The following MTA3 variants were observed in gnomAD, a reference collection of about 807,000 sequenced individuals.
MTA3 encodes the protein metastasis associated 1 family member 3.
In MTA3, 34 loss-of-function variants were observed where a neutral mutation model predicts 83.5. The ratio of observed to expected loss-of-function variants is 0.41; its 90% CI spans 0.31 to 0.54. The LOEUF is 0.54. Ranked by LOEUF, MTA3 falls within the 20% of genes least tolerant of loss-of-function variation. MTA3 has a pLI of 0.33. For missense variants in MTA3, 761 were observed against 726.4 expected, an observed-to-expected ratio of 1.05 and a Z score of -0.55; for synonymous variants, 303 against 252.7, an observed-to-expected ratio of 1.20 and a Z score of -1.89.
At chr2:42,528,494 A>C (rs572447669) in intron 2 of MTA3, among the ~76,000 whole-genome samples, 1 of 152,354 alleles carries the variant, frequency 6.6e-6, no homozygotes, top group East Asian at 1.9e-4. Context: ...TGCTGGGATT[A>C]CAGGCATGAG....
At chr2:42,646,013 A>C (rs1236761855) in intron 6 of MTA3, among the ~76,000 whole-genome samples, 1 of 152,222 alleles carries the variant, frequency 6.6e-6, no homozygotes, top group Non-Finnish European at 1.5e-5. Flanking sequence ...ACTTGAAGCC[A>C]ATCCTCGTTT....
chr2:42,676,065 A>T (rs968630309), intron 8 of MTA3, among the ~76,000 whole-genome samples: 3 of 152,178 alleles, frequency 2.0e-5, no homozygotes, highest in Non-Finnish European at 4.4e-5. Context: ...TCTTTGGTAT[A>T]AATGTGCGCT....
intron 4 of MTA3, among the ~76,000 whole-genome samples, chr2:42,625,793 A>C (rs1686018335): frequency 6.6e-6 from 1 of 150,916 alleles, no homozygotes; most frequent in Admixed American, 6.6e-5. Context: ...CAGTATCCTC[A>C]CCAGTCATTT....
intron 2 of MTA3, among the ~76,000 whole-genome samples, chr2:42,504,017 G>T (rs998983978): frequency 1.3e-4 from 18 of 136,696 alleles, no homozygotes; most frequent in Admixed American, 2.5e-4. Context: ...TCCACCTCCC[G>T]GGTTCAAGCG....
intron 2 of MTA3, among the ~76,000 whole-genome samples, chr2:42,531,282 A>G (rs1328480463): frequency 1.3e-5 from 2 of 152,054 alleles, no homozygotes; most frequent in African/African-American, 4.8e-5. Flanking sequence ...GTATATTGTT[A>G]TTGCCAGACA....
Position 42,722,431 on chromosome 2 carries a change from T to C in MTA3, c.1613-458T>C, listed in dbSNP as rs574819771. ...ATCCTGGTCCCATACTCTGTCTGGTTGCAGAGCCAGAGGAGGAATCCCGTT... is the reference window on the plus strand; with the variant it reads ...ATCCTGGTCCCATACTCTGTCTGGTCGCAGAGCCAGAGGAGGAATCCCGTT... On this transcript the variant is annotated intron_variant, in intron 15 of 16. Coordinates refer to ENST00000405094, the MANE Select transcript of MTA3 (RefSeq NM_001330442.2). 1.2e-3 allele frequency among the ~76,000 whole-genome samples: 189 copies of C among 152,304 alleles called. 1 individual carries two copies. Among genetic ancestry groups the C allele is most frequent in the South Asian group, 6.0e-3 (29 of 4,824 alleles).
chr2:42,562,390 TCTC>T (rs758660258), intron 2 of MTA3, among the ~76,000 whole-genome samples: 3 of 152,134 alleles, frequency 2.0e-5, no homozygotes, highest in Non-Finnish European at 4.4e-5. Context: ...TCCCTTTCCG[TCTC>T]CTTCTGTTCT....
rs1670058626 is a variant in MTA3, at chr2:42,753,833, A to G, written c.*434A>G. On this transcript the variant is annotated 3_prime_UTR_variant, in exon 17 of 17. Transcript: ENST00000405094. ...GTTACTAAATATGTACAGGAGGGCC[A>G]TGGCATCTTTCTGAATGGATTTTTC... The G allele has an allele frequency of 1.0e-6, 1 of 993,506 alleles. No homozygotes were observed. The highest frequency in any genetic ancestry group is 1.2e-6 in the Non-Finnish European group (1 of 835,240). 61.5% of individuals were successfully genotyped at this position (993,506 alleles called of 1,614,324 possible).
At chr2:42,609,216 A>G (rs1471954770) in intron 3 of MTA3, among the ~76,000 whole-genome samples, 1 of 151,888 alleles carries the variant, frequency 6.6e-6, no homozygotes, top group African/African-American at 2.4e-5. Context: ...TTTTTAGTAG[A>G]GATGGGGTTT....
At chr2:42,611,757 G>C (rs1684247066) in intron 4 of MTA3, among the ~76,000 whole-genome samples, 1 of 152,132 alleles carries the variant, frequency 6.6e-6, no homozygotes. Flanking sequence ...TGAGGCTGCT[G>C]TGAGCCACAG....
chr2:42,635,622 T>C (rs766074804), intron 4 of MTA3, among the ~76,000 whole-genome samples: 29 of 151,546 alleles, frequency 1.9e-4, no homozygotes, highest in Non-Finnish European at 2.8e-4. Context: ...AGAGCGAGAC[T>C]CTATCTCAAA....
intron 2 of MTA3, among the ~76,000 whole-genome samples, chr2:42,571,248 A>T (rs1032951309): frequency 1.3e-5 from 2 of 151,492 alleles, no homozygotes; most frequent in African/African-American, 4.9e-5. Flanking sequence ...AGTACAAAAA[A>T]ATTAGCTAGG....
chr2:42,740,102 G>T (rs1668918709), intron 16 of MTA3, among the ~76,000 whole-genome samples: 1 of 152,210 alleles, frequency 6.6e-6, no homozygotes, highest in African/African-American at 2.4e-5. Context: ...ATCTATAAAG[G>T]TGAGTCCTCT....
chr2:42,637,483 G>A (rs1254658657), intron 4 of MTA3, among the ~76,000 whole-genome samples: 1 of 152,144 alleles, frequency 6.6e-6, no homozygotes. Context: ...TATGAGCCAA[G>A]ATTTGTTTGG....
exon 1 of MTA3, chr2:42,494,813 C>A (rs1572875771): frequency 6.6e-6 from 1 of 152,470 alleles, no homozygotes; most frequent in Non-Finnish European, 1.5e-5. Flanking sequence ...CCCCCGCGCA[C>A]CCCTGACCCG....
intron 2 of MTA3, among the ~76,000 whole-genome samples, chr2:42,548,837 T>TATATA (rs1465270022): frequency 6.9e-5 from 1 of 14,568 alleles, no homozygotes; most frequent in African/African-American, 2.0e-4. Context: ...ATAATATATA[T>TATATA]ATATATATAA....
chr2:42,525,557 ACTTCCTTCCTTTCCTTCCTTCCC>A (rs1250101942), intron 2 of MTA3, among the ~76,000 whole-genome samples: 1 of 74,934 alleles, frequency 1.3e-5, no homozygotes, highest in Non-Finnish European at 2.6e-5. Context: ...CCTTCCCCTT[ACTTCCTTCCTTTCCTTCCTTCCC>A]CTTCCTTCCT....
At chr2:42,568,829 G>C (rs994867337) in intron 1 of MTA3, 56 bp downstream of exon 1, 22 of 1,211,304 alleles carry the variant, frequency 1.8e-5, no homozygotes, top group Non-Finnish European at 2.2e-5. Context: ...GGAGCGGGGG[G>C]CCGGGGCGAG....
intron 3 of MTA3, among the ~76,000 whole-genome samples, chr2:42,591,749 C>G (rs1207200430): frequency 1.3e-5 from 2 of 152,032 alleles, no homozygotes; most frequent in African/African-American, 4.8e-5. Context: ...CTTCCAGGTT[C>G]AAGCAATTCT....
Sources: allele counts gnomAD v4.1 joint callset (sites outside exome capture counted in the v4.1 genomes callset), GRCh38; gene constraint gnomAD v4.1.1; transcripts MANE v1.5; gene names NCBI Gene and HGNC (gene_info 2026-07-23, HGNC 2026-07-21).